Variants in CORIN observed in about 807,000 individuals in gnomAD.
CORIN encodes the protein atrial natriuretic peptide-converting enzyme.
CORIN carries 117 observed loss-of-function variants against 125.3 expected under a neutral mutation model. That is an observed-to-expected ratio of 0.93 (90% CI 0.80 to 1.09). The LOEUF (loss-of-function observed/expected upper bound fraction) is 1.09. Among genes scored for constraint, CORIN ranks in the 50% least tolerant of loss-of-function variants. The pLI is 0.00. For missense variants in CORIN, 1,253 were observed against 1,306.7 expected (o/e 0.96, Z 0.63); for synonymous variants, 450 against 466.4 (o/e 0.96, Z 0.45).
chr4:47,636,369 T>C lies in CORIN; in HGVS notation c.2198+5551A>G, dbSNP rs75698552. Reference sequence around the variant, plus strand: ...TTTCAACTGAGCATTTGGCAAATATTAGAAGGCAGTCTAAACTCTGATTTG... The same window carrying C: ...TTTCAACTGAGCATTTGGCAAATATCAGAAGGCAGTCTAAACTCTGATTTG... On this transcript the variant is annotated intron_variant, in intron 16 of 21. Transcript: ENST00000273857. Among the ~76,000 whole-genome samples, 719 of 152,290 alleles carry C rather than the reference T, an allele frequency of 4.7e-3. 3 individuals are homozygous for C. The highest frequency in any genetic ancestry group is 0.016 in the African/African-American group (674 of 41,576).
chr4:47,790,645 T>G (rs1463679506), intron 2 of CORIN, among the ~76,000 whole-genome samples: 4 of 152,218 alleles, frequency 2.6e-5, no homozygotes, highest in Middle Eastern at 3.4e-3. Context: ...GGCACTAAGT[T>G]CTCCGTAACT....
chr4:47,728,288 C>A (rs1727692358), intron 5 of CORIN, among the ~76,000 whole-genome samples: 1 of 151,854 alleles, frequency 6.6e-6, no homozygotes. Flanking sequence ...TTGAGAATAT[C>A]AAAAAGAACT....
At chr4:47,626,311 G>T in intron 17 of CORIN, 94 bp downstream of exon 17, 1 of 768,752 alleles carries the variant, frequency 1.3e-6, no homozygotes, top group South Asian at 1.5e-5. Flanking sequence ...TGACAAATTT[G>T]GATTATCTTA....
chr4:47,768,729 C>A (rs1452324464), intron 3 of CORIN, among the ~76,000 whole-genome samples: 1 of 152,082 alleles, frequency 6.6e-6, no homozygotes, highest in Non-Finnish European at 1.5e-5. Context: ...AAAAGCCATA[C>A]GACCATCTCA....
intron 2 of CORIN, 39 bp from the exon 3 acceptor site, chr4:47,786,964 G>A: frequency 3.7e-6 from 5 of 1,364,144 alleles, no homozygotes; most frequent in Non-Finnish European, 5.1e-6. Flanking sequence ...ACCTATCTTT[G>A]AAACATTACT....
intron 5 of CORIN, among the ~76,000 whole-genome samples, chr4:47,694,284 T>C (rs915600617): frequency 1.3e-5 from 2 of 152,214 alleles, no homozygotes; most frequent in Non-Finnish European, 2.9e-5. Context: ...TTAAAGTAAG[T>C]TTACTTTTTA....
intron 4 of CORIN, among the ~76,000 whole-genome samples, chr4:47,750,624 T>C (rs1046032875): frequency 6.6e-6 from 1 of 151,620 alleles, no homozygotes; most frequent in African/African-American, 2.4e-5. Context: ...TTGGAGAGAG[T>C]TGTATGGGGA....
intron 4 of CORIN, among the ~76,000 whole-genome samples, chr4:47,760,555 T>G (rs117249191): frequency 6.6e-6 from 1 of 152,316 alleles, no homozygotes; most frequent in East Asian, 1.9e-4. Flanking sequence ...CTGTTACACT[T>G]ATAGAGTATG....
At chr4:47,716,546 T>C (rs1207968563) in intron 5 of CORIN, among the ~76,000 whole-genome samples, 1 of 152,210 alleles carries the variant, frequency 6.6e-6, no homozygotes, top group Non-Finnish European at 1.5e-5. Flanking sequence ...TGTTTTTAAC[T>C]TTTCTATTTA....
chr4:47,613,831 A>G (rs1205652935), intron 19 of CORIN, among the ~76,000 whole-genome samples: 8 of 119,288 alleles, frequency 6.7e-5, no homozygotes, highest in Non-Finnish European at 1.4e-4. Flanking sequence ...GGGGGGAGGG[A>G]TAGCATTGGG....
intron 10 of CORIN, among the ~76,000 whole-genome samples, chr4:47,667,914 T>C (rs1319477614): frequency 6.6e-6 from 1 of 152,180 alleles, no homozygotes; most frequent in Non-Finnish European, 1.5e-5. Flanking sequence ...GTGGTGGTAT[T>C]AGGAGGTGGA....
chr4:47,633,472 T>C (rs1722916839), intron 16 of CORIN, among the ~76,000 whole-genome samples: 1 of 152,278 alleles, frequency 6.6e-6, no homozygotes, highest in East Asian at 1.9e-4. Flanking sequence ...AAAATATCAT[T>C]TGAACATATA....
At chr4:47,773,051 A>G (rs1560542538) in intron 3 of CORIN, among the ~76,000 whole-genome samples, 3 of 152,216 alleles carry the variant, frequency 2.0e-5, no homozygotes, top group Non-Finnish European at 2.9e-5. Context: ...ATTTTAAAAC[A>G]TTAGTCATTT....
At chr4:47,776,698 T>G (rs1730318399) in intron 3 of CORIN, among the ~76,000 whole-genome samples, 1 of 152,162 alleles carries the variant, frequency 6.6e-6, no homozygotes, top group African/African-American at 2.4e-5. Context: ...TTACAAAATT[T>G]TATATCTCCC....
At chr4:47,816,233 T>C (rs938237448) in intron 1 of CORIN, among the ~76,000 whole-genome samples, 1 of 152,210 alleles carries the variant, frequency 6.6e-6, no homozygotes, top group Non-Finnish European at 1.5e-5. Flanking sequence ...AGTAATGATG[T>C]TATGCATTAG....
intron 3 of CORIN, among the ~76,000 whole-genome samples, chr4:47,778,743 T>C (rs577765335): frequency 6.6e-6 from 1 of 152,284 alleles, no homozygotes; most frequent in South Asian, 2.1e-4. Context: ...TGATTTAATA[T>C]ATAGAGGAGA....
intron 5 of CORIN, among the ~76,000 whole-genome samples, chr4:47,696,365 T>A (rs962941032): frequency 6.6e-5 from 10 of 152,220 alleles, no homozygotes; most frequent in Non-Finnish European, 1.5e-5. Flanking sequence ...GGCAGATTGA[T>A]AACTGGAACA....
intron 13 of CORIN, among the ~76,000 whole-genome samples, chr4:47,651,545 G>A (rs984172145): frequency 4.6e-5 from 7 of 152,194 alleles, no homozygotes; most frequent in Non-Finnish European, 8.8e-5. Flanking sequence ...AAAGGGGAAC[G>A]AAGTATGTAA....
At chr4:47,778,652 G>A (rs931837794) in intron 3 of CORIN, among the ~76,000 whole-genome samples, 2 of 152,182 alleles carry the variant, frequency 1.3e-5, no homozygotes, top group African/African-American at 4.8e-5. Flanking sequence ...CTTAAATGTT[G>A]CACTCATTCT....
Sources: gnomAD v4.1 joint callset for allele counts (sites outside exome capture counted in the v4.1 genomes callset) on GRCh38, gnomAD v4.1.1 for gene constraint, MANE v1.5 for transcripts, NCBI Gene and HGNC (gene_info 2026-07-23, HGNC 2026-07-21) for gene names.